Variants in RBM10 observed in about 807,000 individuals in gnomAD.
RBM10 encodes the protein RNA binding motif protein 10.
A neutral mutation model predicts 84.9 loss-of-function variants in RBM10; 1 was observed. The ratio of observed to expected loss-of-function variants is 0.01; its 90% CI spans 0.00 to 0.06. The LOEUF (loss-of-function observed/expected upper bound fraction) is 0.06, where lower values mean the gene tolerates loss of function less well. RBM10 is among the 10% of genes least tolerant of loss of function. RBM10 has a pLI of 1.00. For synonymous variants in RBM10, 326 were observed against 344.5 expected (o/e 0.95, Z 0.60); for missense variants, 438 against 839.0 (o/e 0.52, Z 5.90).
At chrX:47,182,115 T>C (rs1935594688) in intron 16 of RBM10, 47 bp from the exon 17 acceptor site, 1 of 1,209,260 alleles carries the variant, frequency 8.3e-7, no homozygotes, top group South Asian at 1.8e-5. Flanking sequence ...GCAGGTTCCC[T>C]TCACAAGGTC....
rs782142154 is a variant in RBM10, at chrX:47,181,943, C to T, written c.1694-8C>T. 1 of 1,211,286 alleles carries T rather than the reference C, an allele frequency of 8.3e-7. No individual in the cohort carries two copies. Among genetic ancestry groups the T allele is most frequent in the Non-Finnish European group, 1.1e-6 (1 of 895,403 alleles). On this transcript the variant is annotated splice_region_variant and splice_polypyrimidine_tract_variant and intron_variant, in intron 15 of 23. Coordinates refer to ENST00000377604, the MANE Select transcript of RBM10 (RefSeq NM_005676.5). ...GAATAGTGTGACCCCGTTCCCCTCA[C>T]CCCCTAGCTGTTCCCGACGTCTCTA...
At chrX:47,175,550 C>T (rs1479349042) in intron 6 of RBM10, among the ~76,000 whole-genome samples, 1 of 111,677 alleles carries the variant, frequency 9.0e-6, no homozygotes, top group Non-Finnish European at 1.9e-5. Context: ...ATTTTGTCAG[C>T]CCCATCCCTG....
At chrX:47,167,123 A>G (rs1269098050) in intron 2 of RBM10, among the ~76,000 whole-genome samples, 1 of 111,034 alleles carries the variant, frequency 9.0e-6, no homozygotes, top group Non-Finnish European at 1.9e-5. Context: ...TTTCAGATAC[A>G]CATCATTGAT....
At chrX:47,145,952 G>C (rs1437572041) in intron 1 of RBM10, among the ~76,000 whole-genome samples, 1 of 105,572 alleles carries the variant, frequency 9.5e-6, no homozygotes, top group African/African-American at 3.5e-5. Flanking sequence ...CTTTGAGGGG[G>C]GGCGGTCTGT....
chrX:47,162,869 C>CA lies in RBM10; in HGVS notation c.18-6434dup, dbSNP rs782121432. Among the ~76,000 whole-genome samples the CA allele has an allele frequency of 1.8e-3, 171 of 93,532 alleles. 1 individual carries two copies. Among genetic ancestry groups the CA allele is most frequent in the Admixed American group, 5.9e-3 (49 of 8,299 alleles). 81.2% of individuals were successfully genotyped at this position (93,532 alleles called of 115,157 possible). On this transcript the variant is annotated intron_variant, in intron 2 of 23. Transcript: ENST00000377604. ...CTGGCAACAAAGCGAGACTCCATCT[C>CA]AAAAAAAAAAAATAGAGTATGGAGA... is the stretch of plus-strand genomic sequence containing the variant.
intron 2 of RBM10, among the ~76,000 whole-genome samples, chrX:47,159,164 C>T (rs1194956128): frequency 2.7e-5 from 3 of 112,441 alleles, no homozygotes; most frequent in East Asian, 5.6e-4. Context: ...AATCCCATCA[C>T]TTTGAGAGGC....
intron 2 of RBM10, among the ~76,000 whole-genome samples, chrX:47,159,422 A>T (rs782679050): frequency 9.1e-6 from 1 of 109,994 alleles, no homozygotes; most frequent in Admixed American, 9.8e-5. Context: ...AAAAAAAAAA[A>T]AAAAAAGTGC....
At chrX:47,157,777 T>C in intron 2 of RBM10, 1 of 389,150 alleles carries the variant, frequency 2.6e-6, no homozygotes, top group Non-Finnish European at 4.5e-6. Flanking sequence ...TTCAGCTGCA[T>C]GACTTTTTTT....
chrX:47,153,168 C>T (rs1209456988), intron 2 of RBM10, among the ~76,000 whole-genome samples: 2 of 112,106 alleles, frequency 1.8e-5, no homozygotes, highest in Non-Finnish European at 3.8e-5. Flanking sequence ...TTAAGTCTGG[C>T]AGCATGTACG....
Position 47,186,151 on chromosome X carries a change from C to T in RBM10, c.2517C>T (p.Gly839=), listed in dbSNP as rs373176484. 9 of 1,211,889 alleles carry T rather than the reference C, an allele frequency of 7.4e-6. No homozygotes were observed. Among genetic ancestry groups the T allele is most frequent in the Middle Eastern group, 2.3e-4 (1 of 4,374 alleles). ...EPPEPKRRKY[G]GISTASVDFE... Reference sequence around the variant, plus strand: ...CAGAGCCCAAGAGGAGGAAGTACGGCGGCATATCCACAGCCTCTGTGTGAG... The same window carrying T: ...CAGAGCCCAAGAGGAGGAAGTACGGTGGCATATCCACAGCCTCTGTGTGAG... The change falls in exon 22 of 24, where the codon GGC becomes GGT. Residue 839 remains glycine (G), a synonymous_variant. Transcript: ENST00000377604.
intron 7 of RBM10, among the ~76,000 whole-genome samples, chrX:47,178,818 C>A (rs1602581391): frequency 9.0e-6 from 1 of 111,672 alleles, no homozygotes; most frequent in East Asian, 2.8e-4. Flanking sequence ...GAGTTGGTGG[C>A]CTTAAGAAGG....
At chrX:47,172,953 G>C (rs1455614020) in intron 4 of RBM10, among the ~76,000 whole-genome samples, 175 bp from the exon 5 acceptor site, 7 of 112,406 alleles carry the variant, frequency 6.2e-5, no homozygotes, top group African/African-American at 2.3e-4. Context: ...AGTCAAGACT[G>C]TGAACTGGTG....
At chrX:47,168,601 C>T (rs1934408928) in intron 2 of RBM10, among the ~76,000 whole-genome samples, 1 of 110,748 alleles carries the variant, frequency 9.0e-6, no homozygotes, top group Non-Finnish European at 1.9e-5. Flanking sequence ...CATTATTTTA[C>T]AGTTATTGCG....
At chrX:47,169,542 C>T (rs371307365) in intron 3 of RBM10, 44 bp downstream of exon 3, 3 of 1,142,936 alleles carry the variant, frequency 2.6e-6, no homozygotes, top group African/African-American at 3.6e-5. Context: ...GGGATGGGCT[C>T]CCAAGGGCCC....
At chrX:47,155,997 C>T (rs1052013418) in intron 2 of RBM10, among the ~76,000 whole-genome samples, 8 of 108,046 alleles carry the variant, frequency 7.4e-5, no homozygotes, top group South Asian at 4.0e-4. Context: ...TTAGTAGAGA[C>T]GGCGTTTCTC....
chrX:47,176,315 C>T (rs1045321187), intron 6 of RBM10, among the ~76,000 whole-genome samples, 185 bp from the exon 7 acceptor site: 1 of 112,091 alleles, frequency 8.9e-6, no homozygotes, highest in African/African-American at 3.2e-5. Flanking sequence ...CAAACAGCTG[C>T]GCCCGAGAGC....
chrX:47,159,105 G>A (rs1933433995), intron 2 of RBM10, among the ~76,000 whole-genome samples: 1 of 111,924 alleles, frequency 8.9e-6, no homozygotes, highest in African/African-American at 3.2e-5. Flanking sequence ...CCATGTCCTT[G>A]CTATTGTGAA....
intron 14 of RBM10, 43 bp downstream of exon 14, chrX:47,181,689 G>A: frequency 8.3e-7 from 1 of 1,208,372 alleles, no homozygotes; most frequent in Non-Finnish European, 1.1e-6. Context: ...AGGCAGGCAG[G>A]CGGCAGGGGT....
At position 47,145,315 on chromosome X, in the gene RBM10, T is replaced by C; in HGVS notation, c.-296T>C. 1.4e-6 allele frequency: 1 copy of C among 737,244 alleles called. No individual in the cohort carries two copies. Among genetic ancestry groups the C allele is most frequent in the East Asian group, 3.5e-5 (1 of 28,487 alleles). 60.8% of individuals were successfully genotyped at this position (737,244 alleles called of 1,213,427 possible). ...CGGCTGGGAGTAGGCGGCAGTGAGT[T>C]TCCCTGGGAGGGCAGCGCGCTTGGC... is the stretch of plus-strand genomic sequence containing the variant. On this transcript the variant is annotated 5_prime_UTR_variant, in exon 1 of 24. Coordinates refer to ENST00000377604, the MANE Select transcript of RBM10 (RefSeq NM_005676.5).
Sources: allele counts gnomAD v4.1 joint callset (sites outside exome capture counted in the v4.1 genomes callset), GRCh38; gene constraint gnomAD v4.1.1; transcripts MANE v1.5; gene names NCBI Gene and HGNC (gene_info 2026-07-23, HGNC 2026-07-21).